EGFLAM: variants seen among roughly 807,000 people sequenced by gnomAD.
The protein encoded by EGFLAM is pikachurin.
EGFLAM carries 79 observed loss-of-function variants against 113.1 expected under a neutral mutation model. The observed-to-expected ratio is 0.70, with a 90% CI of 0.58 to 0.84. The LOEUF is 0.84. Among genes scored for constraint, EGFLAM ranks in the 40% least tolerant of loss-of-function variants. The pLI is 0.00. For synonymous variants in EGFLAM, 504 were observed against 487.6 expected, an observed-to-expected ratio of 1.03 and a Z score of -0.44; for missense variants, 1,265 against 1,291.6, an observed-to-expected ratio of 0.98 and a Z score of 0.32.
chr5:38,379,379 A>T (rs536507480), intron 6 of EGFLAM, among the ~76,000 whole-genome samples: 14 of 152,206 alleles, frequency 9.2e-5, no homozygotes, highest in African/African-American at 2.6e-4. Context: ...GGAAGGACGC[A>T]GAGAACACAG....
In EGFLAM at chr5:38,383,516, A is replaced by G. The variant is rs535279343; in HGVS notation, c.712+13054A>G. Among the ~76,000 whole-genome samples the G allele has an allele frequency of 2.0e-5, 3 of 151,968 alleles. No individual in the cohort carries two copies. The South Asian group carries it at 6.2e-4, about 32-fold the overall frequency. ...TCTACATTGATTATTTTGCTTGTTTAAGCACTTATTCACACAGTTTCCAAA... is the reference window on the plus strand; with the variant it reads ...TCTACATTGATTATTTTGCTTGTTTGAGCACTTATTCACACAGTTTCCAAA... On this transcript the variant is annotated intron_variant, in intron 6 of 21. Coordinates refer to ENST00000322350, the MANE Select transcript of EGFLAM (RefSeq NM_152403.4).
chr5:38,278,713 T>A (rs1265204646), intron 1 of EGFLAM, among the ~76,000 whole-genome samples: 1 of 152,096 alleles, frequency 6.6e-6, no homozygotes, highest in Non-Finnish European at 1.5e-5. Flanking sequence ...GGTCTTGAAC[T>A]CCTGACCTAA....
intron 1 of EGFLAM, among the ~76,000 whole-genome samples, chr5:38,294,158 T>C (rs1291746498): frequency 2.6e-5 from 4 of 152,160 alleles, no homozygotes; most frequent in African/African-American, 9.7e-5. Context: ...GGGCTTGGAC[T>C]CCTTGTTATA....
intron 5 of EGFLAM, among the ~76,000 whole-genome samples, chr5:38,356,002 C>T (rs1362066114): frequency 6.6e-6 from 1 of 152,152 alleles, no homozygotes; most frequent in African/African-American, 2.4e-5. Context: ...TCAAGTGATC[C>T]ACCTGCCTCA....
intron 1 of EGFLAM, among the ~76,000 whole-genome samples, chr5:38,314,672 C>T (rs1053441659): frequency 2.6e-5 from 4 of 152,198 alleles, no homozygotes; most frequent in African/African-American, 9.7e-5. Context: ...CATATGAAGC[C>T]TTACCGCCCA....
At chr5:38,291,998 C>A (rs1288743344) in intron 1 of EGFLAM, among the ~76,000 whole-genome samples, 4 of 152,154 alleles carry the variant, frequency 2.6e-5, no homozygotes, top group Non-Finnish European at 4.4e-5. Flanking sequence ...GTTTTGCAAC[C>A]TGTGAAGTTT....
intron 6 of EGFLAM, among the ~76,000 whole-genome samples, chr5:38,404,908 C>T (rs1464196671): frequency 3.3e-5 from 5 of 152,134 alleles, no homozygotes; most frequent in South Asian, 2.1e-4. Flanking sequence ...TAAATCAGAG[C>T]GCTGTGGATC....
chr5:38,342,949 G>T (rs1178447821), intron 3 of EGFLAM, among the ~76,000 whole-genome samples: 1 of 152,050 alleles, frequency 6.6e-6, no homozygotes, highest in Non-Finnish European at 1.5e-5. Flanking sequence ...TGCTGTCCCC[G>T]GCGATGCACC....
intron 1 of EGFLAM, among the ~76,000 whole-genome samples, chr5:38,320,530 A>T (rs1231715131): frequency 6.6e-6 from 1 of 152,112 alleles, no homozygotes; most frequent in Non-Finnish European, 1.5e-5. Context: ...CAATTGTTAA[A>T]TGATTGTAAG....
At chr5:38,354,697 T>C (rs1366613267) in intron 5 of EGFLAM, among the ~76,000 whole-genome samples, 1 of 152,184 alleles carries the variant, frequency 6.6e-6, no homozygotes, top group Non-Finnish European at 1.5e-5. Flanking sequence ...ACCACTGCAC[T>C]CTAGCCTGGA....
chr5:38,446,849 C>A (rs962481417), intron 17 of EGFLAM, among the ~76,000 whole-genome samples: 3 of 150,484 alleles, frequency 2.0e-5, no homozygotes, highest in African/African-American at 7.3e-5. Context: ...TGTTTCCGCT[C>A]TTTTTTTATG....
intron 9 of EGFLAM, 56 bp from the exon 10 acceptor site, chr5:38,408,948 C>T: frequency 7.1e-7 from 1 of 1,404,586 alleles, no homozygotes; most frequent in African/African-American, 1.4e-5. Context: ...CCAGGTGGTG[C>T]CTTAAGGAAG....
At chr5:38,449,565 C>G (rs1406564173) in intron 18 of EGFLAM, among the ~76,000 whole-genome samples, 1 of 152,078 alleles carries the variant, frequency 6.6e-6, no homozygotes, top group Non-Finnish European at 1.5e-5. Context: ...TGAGAGACCA[C>G]TAGGTGGTTT....
At chr5:38,410,699 A>G (rs1741451025) in intron 10 of EGFLAM, among the ~76,000 whole-genome samples, 1 of 152,136 alleles carries the variant, frequency 6.6e-6, no homozygotes. Context: ...GGTTGGGATA[A>G]AAACAAGAAT....
At chr5:38,409,253 A>C in intron 10 of EGFLAM, 149 bp downstream of exon 10, 5 of 685,134 alleles carry the variant, frequency 7.3e-6, no homozygotes. Context: ...CAGTTTACCA[A>C]ATACTGGTGT....
At chr5:38,360,995 C>T (rs1324245008) in intron 5 of EGFLAM, among the ~76,000 whole-genome samples, 2 of 151,302 alleles carry the variant, frequency 1.3e-5, no homozygotes, top group Non-Finnish European at 2.9e-5. Flanking sequence ...GCTAGGATTA[C>T]AGGCATGTGC....
intron 1 of EGFLAM, among the ~76,000 whole-genome samples, chr5:38,321,644 C>G (rs143609157): frequency 6.6e-6 from 1 of 152,284 alleles, no homozygotes; most frequent in African/African-American, 2.4e-5. Context: ...CATCTGTGCT[C>G]CCCTGGGATT....
intron 10 of EGFLAM, among the ~76,000 whole-genome samples, chr5:38,409,980 G>T (rs1741425321): frequency 6.6e-6 from 1 of 152,148 alleles, no homozygotes; most frequent in African/African-American, 2.4e-5. Flanking sequence ...GTGGCGCACT[G>T]GCTGACATCC....
chr5:38,396,362 T>A (rs1740962677), intron 6 of EGFLAM, among the ~76,000 whole-genome samples: 3 of 152,224 alleles, frequency 2.0e-5, no homozygotes, highest in Admixed American at 1.3e-4. Context: ...AACAGTCAGT[T>A]TACAATTGCT....
Sources: gnomAD v4.1 joint callset for allele counts (sites outside exome capture counted in the v4.1 genomes callset) on GRCh38, gnomAD v4.1.1 for gene constraint, MANE v1.5 for transcripts, NCBI Gene and HGNC (gene_info 2026-07-23, HGNC 2026-07-21) for gene names.